UTP18: variants seen among roughly 807,000 people sequenced by gnomAD.
The protein encoded by UTP18 is U3 small nucleolar RNA-associated protein 18 homolog.
Under a neutral mutation model 61.1 loss-of-function variants are expected in UTP18, and 36 were observed. The observed-to-expected ratio is 0.59, with a 90% CI of 0.45 to 0.78. The LOEUF (loss-of-function observed/expected upper bound fraction) is 0.78, where lower values mean the gene tolerates loss of function less well. Among genes scored for constraint, UTP18 ranks in the 30% least tolerant of loss-of-function variants. The pLI is 0.00. For synonymous variants in UTP18, 282 were observed against 251.1 expected, an observed-to-expected ratio of 1.12 and a Z score of -1.16; for missense variants, 753 against 693.9, an observed-to-expected ratio of 1.09 and a Z score of -0.96.
intron 9 of UTP18, among the ~76,000 whole-genome samples, chr17:51,284,479 A>T (rs1905042954): frequency 6.6e-6 from 1 of 151,980 alleles, no homozygotes; most frequent in Non-Finnish European, 1.5e-5. Flanking sequence ...TTCATTTTTC[A>T]CTTCTTCCTC....
At chr17:51,278,939 G>A (rs1904820062) in intron 7 of UTP18, among the ~76,000 whole-genome samples, 1 of 152,170 alleles carries the variant, frequency 6.6e-6, no homozygotes, top group Admixed American at 6.5e-5. Flanking sequence ...GAACTAAGAT[G>A]TAGTCTTTGG....
intron 2 of UTP18, among the ~76,000 whole-genome samples, chr17:51,263,687 A>T (rs1236741688): frequency 1.3e-5 from 2 of 152,192 alleles, no homozygotes; most frequent in East Asian, 3.8e-4. Flanking sequence ...GACCATGGGC[A>T]GTTTGGAACC....
chr17:51,296,153 T>C (rs1233350658), intron 12 of UTP18: 1 of 152,208 alleles, frequency 6.6e-6, no homozygotes, highest in East Asian at 1.9e-4. Context: ...AATTGCATCA[T>C]TGCTAGAAGA....
At chr17:51,264,768 C>G (rs12951150) in intron 2 of UTP18, among the ~76,000 whole-genome samples, 58,113 of 150,300 alleles carry the variant, frequency 0.39, 12,820 homozygotes, top group East Asian at 0.6. Context: ...CTGCAACCTC[C>G]GCCTCCCAGG....
chr17:51,297,321 CT>C (rs1482401969), intron 13 of UTP18, among the ~76,000 whole-genome samples: 1 of 152,134 alleles, frequency 6.6e-6, no homozygotes, highest in East Asian at 1.9e-4. Flanking sequence ...AGAGATGGGT[CT>C]TCAGATATAG....
At position 51,294,025 on chromosome 17, in the gene UTP18, G is replaced by A; in HGVS notation, c.1626G>A (p.Lys542=). ...GATACTTTGCCTTGGGGAATGAAAA[G>A]GGCAAGGCCCTGATGTATAGGTAGG... ...RSGYFALGNE[K]GKALMYRLHH... is the part of the protein sequence containing the mutation. Residue 542 remains lysine, a synonymous_variant, in exon 12 of 14, where the codon AAG becomes AAA. Coordinates refer to ENST00000225298, the MANE Select transcript of UTP18 (RefSeq NM_016001.3). 6.2e-7 allele frequency: 1 copy of A among 1,608,170 alleles called. No individual in the cohort carries two copies. Among genetic ancestry groups the A allele is most frequent in the Non-Finnish European group, 8.5e-7 (1 of 1,177,524 alleles).
chr17:51,290,640 A>G (rs750251250), intron 11 of UTP18, among the ~76,000 whole-genome samples: 30 of 152,190 alleles, frequency 2.0e-4, no homozygotes, highest in Non-Finnish European at 1.5e-4. Context: ...CATGGGATCT[A>G]TCTCCTGTTG....
intron 12 of UTP18, among the ~76,000 whole-genome samples, chr17:51,295,916 T>A (rs1905358400): frequency 6.6e-6 from 1 of 152,204 alleles, no homozygotes; most frequent in African/African-American, 2.4e-5. Context: ...TTTAATAATA[T>A]TTCCACTTTC....
At chr17:51,282,022 T>C (rs900175071) in intron 9 of UTP18, among the ~76,000 whole-genome samples, 1 of 152,210 alleles carries the variant, frequency 6.6e-6, no homozygotes, top group Non-Finnish European at 1.5e-5. Flanking sequence ...ACTGTCCTGC[T>C]CTTCTACCTT....
chr17:51,280,112 CATT>C lies in UTP18; in HGVS notation c.1113+14_1113+16del, dbSNP rs762539165. On this transcript the variant is annotated splice_region_variant and intron_variant, in intron 8 of 13. Transcript: ENST00000225298. ...GCATTTGCTAGCAATGAAGGTAAAGCATTATTATTGCTTCTTGTTCTTCTCCCA... is the reference window on the plus strand; with the variant it reads ...GCATTTGCTAGCAATGAAGGTAAAGCATTATTGCTTCTTGTTCTTCTCCCA... 6.3e-5 allele frequency: 101 copies of C among 1,610,894 alleles called. 2 individuals carry two copies. In the South Asian group the frequency reaches 1.0e-3, roughly 17 times the overall value.
Position 51,280,426 on chromosome 17 carries a change from G to C in UTP18, c.1151G>C (p.Arg384Thr). 6.2e-7 allele frequency: 1 copy of C among 1,614,140 alleles called. No homozygotes were observed. The highest frequency in any genetic ancestry group is 8.5e-7 in the Non-Finnish European group (1 of 1,180,028). Residue 384 changes from arginine (R) to threonine (T), a missense_variant, in exon 9 of 14, where the codon AGG (arginine) becomes ACG (threonine). Transcript: ENST00000225298. ...ELIGSMKING[R>T]VAASTFSSDS... ...ATTGGAAGCATGAAAATTAATGGAA[G>C]GGTTGCAGCATCCACATTCTCTTCA...
intron 13 of UTP18, 75 bp downstream of exon 13, chr17:51,297,078 C>A: frequency 7.8e-7 from 1 of 1,280,156 alleles, no homozygotes; most frequent in Non-Finnish European, 1.1e-6. Context: ...GGAAGCAGCA[C>A]ATTAGCTGAG....
chr17:51,268,233 A>T (rs576882875), intron 3 of UTP18, among the ~76,000 whole-genome samples: 1 of 152,062 alleles, frequency 6.6e-6, no homozygotes, highest in Admixed American at 6.5e-5. Flanking sequence ...TCACCATGTT[A>T]GCCAGGATGG....
chr17:51,294,883 A>G (rs1011314403), intron 12 of UTP18, among the ~76,000 whole-genome samples: 5 of 152,066 alleles, frequency 3.3e-5, no homozygotes, highest in Admixed American at 6.6e-5. Flanking sequence ...TGACTTTTTA[A>G]TGATCGCCAT....
intron 11 of UTP18, among the ~76,000 whole-genome samples, chr17:51,289,371 A>ATTT (rs58674308): frequency 0.02 from 2,788 of 138,116 alleles, 40 homozygotes; most frequent in Middle Eastern, 0.052. Flanking sequence ...TCATTTTTGT[A>ATTT]TTTTTTTTTT....
chr17:51,265,505 C>G (rs1410816972), intron 2 of UTP18, among the ~76,000 whole-genome samples: 1 of 151,140 alleles, frequency 6.6e-6, no homozygotes, highest in South Asian at 2.1e-4. Context: ...TTCAGTGATC[C>G]GCCTGTGTCT....
chr17:51,280,117 T>C lies in UTP18; in HGVS notation c.1113+12T>C. The C allele has an allele frequency of 1.2e-6, 2 of 1,608,056 alleles. No individual in the cohort carries two copies. Among genetic ancestry groups the C allele is most frequent in the Non-Finnish European group, 1.7e-6 (2 of 1,175,516 alleles). On this transcript the variant is annotated intron_variant, in intron 8 of 13. Coordinates refer to ENST00000225298, the MANE Select transcript of UTP18 (RefSeq NM_016001.3). ...TGCTAGCAATGAAGGTAAAGCATTA[T>C]TATTGCTTCTTGTTCTTCTCCCACA... is the stretch of plus-strand genomic sequence containing the variant.
rs769033713 is a variant in UTP18, at chr17:51,260,592, C to T, written c.8C>T (p.Pro3Leu). The T allele has an allele frequency of 5.6e-6, 9 of 1,611,878 alleles. No individual in the cohort carries two copies. Among genetic ancestry groups the T allele is most frequent in the South Asian group, 1.1e-5 (1 of 91,004 alleles). ...TTCTCCTCAAACCTAACGATGCCGC[C>T]GGAGCGGAGGAGACGAATGAAACTG... MP[P>L]ERRRRMKLDR... is the part of the protein sequence containing the mutation. The change falls in exon 1 of 14, where the codon CCG becomes CTG. Residue 3 changes from proline (P) to leucine (L), a missense_variant. By Grantham distance (98) the Pro-to-Leu change is moderately conservative. Transcript: ENST00000225298.
intron 4 of UTP18, among the ~76,000 whole-genome samples, chr17:51,272,809 A>G (rs78558993): frequency 9.2e-4 from 140 of 152,260 alleles, no homozygotes; most frequent in African/African-American, 3.3e-3. Flanking sequence ...TTCCCTTCTT[A>G]GCTCCGCAAG....
Sources: allele counts gnomAD v4.1 joint callset (sites outside exome capture counted in the v4.1 genomes callset), GRCh38; gene constraint gnomAD v4.1.1; transcripts MANE v1.5; gene names NCBI Gene and HGNC (gene_info 2026-07-23, HGNC 2026-07-21).